The following COL22A1 variants were observed in gnomAD, a reference collection of about 807,000 sequenced individuals.
COL22A1 encodes the protein collagen alpha-1(XXII) chain.
In COL22A1, 221 loss-of-function variants were observed where a neutral mutation model predicts 248.9. That is an observed-to-expected ratio of 0.89 (90% CI 0.80 to 0.99). The LOEUF is 0.99. Ranked by LOEUF, COL22A1 falls within the 50% of genes least tolerant of loss-of-function variation. The pLI is 0.00. For missense variants in COL22A1, 2,240 were observed against 2,179.0 expected (o/e 1.03, Z -0.56); for synonymous variants, 891 against 793.4 (o/e 1.12, Z -2.07).
At chr8:138,730,005 G>A (rs557009426) in intron 23 of COL22A1, among the ~76,000 whole-genome samples, 62 of 152,318 alleles carry the variant, frequency 4.1e-4, no homozygotes, top group African/African-American at 1.3e-3. Flanking sequence ...GGACCTGGAC[G>A]TGAGGGCCTT....
chr8:138,768,294 G>A (rs1834069358), intron 16 of COL22A1, among the ~76,000 whole-genome samples: 1 of 152,206 alleles, frequency 6.6e-6, no homozygotes, highest in Non-Finnish European at 1.5e-5. Flanking sequence ...GGCCACAGCA[G>A]CAGTTGCACG....
At position 138,843,830 on chromosome 8, in the gene COL22A1, T is replaced by G. The variant is rs571068530; in HGVS notation, c.733+254A>C. Among the ~76,000 whole-genome samples, 8 of 152,372 alleles carry G rather than the reference T, an allele frequency of 5.3e-5. No individual in the cohort carries two copies. The South Asian group carries it at 1.7e-3, about 32-fold the overall frequency. On this transcript the variant is annotated intron_variant, in intron 4 of 64. Transcript: ENST00000303045. ...TTCTTTACAAACTCATTCATTCTCA[T>G]GCATTATTGAGTGACTCCTATAGAA...
intron 1 of COL22A1, among the ~76,000 whole-genome samples, chr8:138,902,501 T>C (rs1403720696): frequency 6.6e-6 from 1 of 151,810 alleles, no homozygotes; most frequent in Non-Finnish European, 1.5e-5. Flanking sequence ...ATCGAGACCA[T>C]CCTGCCTAAC....
At chr8:138,806,064 T>TGGTGTATGATTGTGTGTGAG (rs1817640976) in intron 10 of COL22A1, among the ~76,000 whole-genome samples, 9 of 4,556 alleles carry the variant, frequency 2.0e-3, no homozygotes, top group East Asian at 4.9e-3. Context: ...TGGTGTGTGG[T>TGGTGTATGATTGTGTGTGAG]GGTGTGTGTG....
intron 5 of COL22A1, among the ~76,000 whole-genome samples, chr8:138,829,287 A>C (rs893679096): frequency 6.2e-4 from 95 of 152,240 alleles, no homozygotes; most frequent in African/African-American, 2.3e-3. Flanking sequence ...CTGCCCATGC[A>C]GGAGGAAGAT....
chr8:138,705,664 C>A (rs1586516338), intron 30 of COL22A1, among the ~76,000 whole-genome samples: 1 of 152,172 alleles, frequency 6.6e-6, no homozygotes, highest in East Asian at 1.9e-4. Context: ...CCGGTACCAG[C>A]CACTGCAAAA....
rs1816849971 is a variant in COL22A1 at position 138,589,407 on chromosome 8, C to T, written c.4727G>A (p.Gly1576Glu). Residue 1576 changes from glycine to glutamate, a missense_variant, in exon 65 of 65, where the codon GGA (glycine) becomes GAA (glutamate). Gly to Glu is a moderately conservative substitution (Grantham distance 98). Transcript: ENST00000303045. ...QPGEPGYAKD[G>E]LPGIPGPQGE... ...TTGAGGGCCAGGGATCCCAGGAAGTCCATCTTTAGCATAGCCAGGTTCCCC... is the reference window on the plus strand; with the variant it reads ...TTGAGGGCCAGGGATCCCAGGAAGTTCATCTTTAGCATAGCCAGGTTCCCC... 1.3e-6 allele frequency: 2 copies of T among 1,587,144 alleles called. No individual in the cohort carries two copies. Among genetic ancestry groups the T allele is most frequent in the South Asian group, 2.3e-5 (2 of 88,420 alleles).
intron 21 of COL22A1, among the ~76,000 whole-genome samples, chr8:138,753,739 G>A (rs1227518942): frequency 6.6e-6 from 1 of 152,156 alleles, no homozygotes. Flanking sequence ...GGTCACAAAC[G>A]TTTGAGGTTT....
At chr8:138,840,098 C>G (rs985281133) in intron 4 of COL22A1, among the ~76,000 whole-genome samples, 1 of 152,256 alleles carries the variant, frequency 6.6e-6, no homozygotes, top group South Asian at 2.1e-4. Flanking sequence ...ATGGGAAAGC[C>G]TGGAGGTGAG....
chr8:138,837,804 T>A (rs1194957416), intron 4 of COL22A1, among the ~76,000 whole-genome samples: 1 of 152,080 alleles, frequency 6.6e-6, no homozygotes, highest in Non-Finnish European at 1.5e-5. Context: ...TAGGATTAGA[T>A]GTTGTCCCAG....
chr8:138,887,945 T>C (rs926998004), intron 1 of COL22A1, among the ~76,000 whole-genome samples: 5 of 152,216 alleles, frequency 3.3e-5, no homozygotes, highest in Non-Finnish European at 1.5e-5. Flanking sequence ...AGAAGAGGCA[T>C]TGTTGCTTGT....
At chr8:138,883,944 G>T (rs547113970) in intron 1 of COL22A1, among the ~76,000 whole-genome samples, 10 of 152,112 alleles carry the variant, frequency 6.6e-5, no homozygotes, top group Non-Finnish European at 1.0e-4. Flanking sequence ...ATGAGGGCCT[G>T]CCATGATCTA....
chr8:138,796,764 C>T (rs1042155150), intron 12 of COL22A1, 55 bp downstream of exon 12: 1 of 1,226,944 alleles, frequency 8.2e-7, no homozygotes, highest in Non-Finnish European at 1.2e-6. Flanking sequence ...CTCCCCCAAA[C>T]CTAAGTCCTC....
chr8:138,657,259 T>C (rs1298775057), intron 44 of COL22A1, among the ~76,000 whole-genome samples: 1 of 152,252 alleles, frequency 6.6e-6, no homozygotes, highest in African/African-American at 2.4e-5. Context: ...CAACCTTTGC[T>C]ATAGCAATTT....
chr8:138,733,379 C>A (rs1830853731), intron 23 of COL22A1, among the ~76,000 whole-genome samples: 1 of 152,198 alleles, frequency 6.6e-6, no homozygotes, highest in African/African-American at 2.4e-5. Flanking sequence ...GGATCCCAGC[C>A]ACCCTGGGGC....
At chr8:138,672,907 A>T (rs1399148221) in intron 41 of COL22A1, among the ~76,000 whole-genome samples, 2 of 152,178 alleles carry the variant, frequency 1.3e-5, no homozygotes, top group African/African-American at 4.8e-5. Flanking sequence ...ACTAATTTGG[A>T]CTTTAATCTG....
chr8:138,602,103 C>T lies in COL22A1; in HGVS notation c.4185+12G>A, dbSNP rs1252184748. The T allele has an allele frequency of 1.2e-6, 2 of 1,614,066 alleles. No individual in the cohort carries two copies. Among genetic ancestry groups the T allele is most frequent in the Middle Eastern group, 1.6e-4 (1 of 6,062 alleles). ...GTTCGGCGTGTTCAAGGTGCCTGTG[C>T]TCTCCACTCACCCTTTCTCCTTTGA... is the stretch of plus-strand genomic sequence containing the variant. On this transcript the variant is annotated intron_variant, in intron 60 of 64. Coordinates refer to ENST00000303045, the MANE Select transcript of COL22A1 (RefSeq NM_152888.3).
At chr8:138,613,703 A>G (rs1587675777) in intron 56 of COL22A1, among the ~76,000 whole-genome samples, 164 bp downstream of exon 56, 1 of 139,392 alleles carries the variant, frequency 7.2e-6, no homozygotes, top group South Asian at 2.3e-4. Flanking sequence ...GTGTTGGGGG[A>G]GGTGACTAGG....
intron 1 of COL22A1, among the ~76,000 whole-genome samples, chr8:138,890,743 T>A (rs894931577): frequency 7.9e-5 from 12 of 152,240 alleles, no homozygotes; most frequent in Middle Eastern, 3.4e-3. Context: ...CTGGGCACAG[T>A]GGCTCATGCC....
Sources: allele counts gnomAD v4.1 joint callset (sites outside exome capture counted in the v4.1 genomes callset), GRCh38; gene constraint gnomAD v4.1.1; transcripts MANE v1.5; gene names NCBI Gene and HGNC (gene_info 2026-07-23, HGNC 2026-07-21).